Variants in CFI observed in about 807,000 individuals in gnomAD.
The protein encoded by CFI is C3B/C4B inactivator.
CFI carries 66 observed loss-of-function variants against 78.8 expected under a neutral mutation model. That is an observed-to-expected ratio of 0.84 (90% CI 0.69 to 1.03). CFI has a LOEUF of 1.03. Among genes scored for constraint, CFI ranks in the 50% least tolerant of loss-of-function variants. The pLI is 0.00. For missense variants in CFI, 706 were observed against 704.5 expected, an observed-to-expected ratio of 1.00 and a Z score of -0.02; for synonymous variants, 250 against 232.6, an observed-to-expected ratio of 1.07 and a Z score of -0.68.
intron 10 of CFI, among the ~76,000 whole-genome samples, chr4:109,747,343 T>C (rs1435878597): frequency 1.3e-5 from 1 of 78,904 alleles, no homozygotes; most frequent in Non-Finnish European, 2.5e-5. Context: ...TGCCACCACA[T>C]TAAGCTAATT....
At chr4:109,749,114 GT>G in intron 10 of CFI, 103 bp downstream of exon 10, 1 of 1,027,068 alleles carries the variant, frequency 9.7e-7, no homozygotes, top group South Asian at 1.3e-5. Flanking sequence ...ATATAGTGGA[GT>G]TTGTCAGTAC....
chr4:109,776,706 T>C (rs1729293925), intron 1 of CFI, among the ~76,000 whole-genome samples: 1 of 152,264 alleles, frequency 6.6e-6, no homozygotes, highest in Admixed American at 6.5e-5. Flanking sequence ...GAAAAAATAT[T>C]AAGGGCAGCC....
At chr4:109,770,511 G>A (rs773841820) in intron 1 of CFI, among the ~76,000 whole-genome samples, 2 of 147,666 alleles carry the variant, frequency 1.4e-5, no homozygotes, top group South Asian at 2.2e-4. Context: ...AGCGGAGACC[G>A]CACCACTGCA....
chr4:109,742,395 A>C, intron 12 of CFI, 96 bp downstream of exon 12: 1 of 813,620 alleles, frequency 1.2e-6, no homozygotes, highest in Non-Finnish European at 2.2e-6. Context: ...GGAGGGAATT[A>C]GGGCCCAAAG....
chr4:109,738,868 A>G (rs1723538172), downstream of CFI, among the ~76,000 whole-genome samples: 1 of 152,218 alleles, frequency 6.6e-6, no homozygotes, highest in African/African-American at 2.4e-5. Flanking sequence ...GGAACTTCCC[A>G]GCAATAAATA....
At chr4:109,743,771 G>T (rs1724094975) in intron 11 of CFI, among the ~76,000 whole-genome samples, 1 of 152,172 alleles carries the variant, frequency 6.6e-6, no homozygotes, top group South Asian at 2.1e-4. Flanking sequence ...GCCAGGGTGG[G>T]AGGATCACTT....
At chr4:109,791,528 A>G (rs1261531069) in intron 1 of CFI, among the ~76,000 whole-genome samples, 1 of 152,108 alleles carries the variant, frequency 6.6e-6, no homozygotes, top group African/African-American at 2.4e-5. Flanking sequence ...TCCTATGTCC[A>G]GAATAGTATT....
intron 2 of CFI, among the ~76,000 whole-genome samples, chr4:109,765,935 G>A (rs993760482): frequency 5.9e-5 from 9 of 152,040 alleles, no homozygotes; most frequent in African/African-American, 9.7e-5. Context: ...TGGCTAACAC[G>A]GTGAAACTCC....
downstream of CFI, among the ~76,000 whole-genome samples, chr4:109,739,074 A>G (rs1328931935): frequency 2.0e-5 from 3 of 152,186 alleles, no homozygotes; most frequent in Non-Finnish European, 4.4e-5. Context: ...AATAGTTAAA[A>G]TTGTTACTTT....
intron 1 of CFI, among the ~76,000 whole-genome samples, chr4:109,775,371 G>A (rs946250049): frequency 3.3e-5 from 5 of 152,214 alleles, no homozygotes; most frequent in Non-Finnish European, 7.3e-5. Context: ...TGGCTCGGAG[G>A]GTCCCACACC....
chr4:109,774,321 AG>A, intron 1 of CFI, among the ~76,000 whole-genome samples: 1 of 152,302 alleles, frequency 6.6e-6, no homozygotes, highest in South Asian at 2.1e-4. Flanking sequence ...ATGGAGAGTG[AG>A]GGGAGAATTG....
chr4:109,761,489 G>GA (rs1403880492), intron 4 of CFI, 28 bp downstream of exon 4: 2 of 1,610,644 alleles, frequency 1.2e-6, no homozygotes, highest in Admixed American at 3.3e-5. Context: ...TCAAGGAAGG[G>GA]AAAATAACAG....
chr4:109,746,125 G>T, intron 11 of CFI, 97 bp downstream of exon 11: 1 of 1,374,980 alleles, frequency 7.3e-7, no homozygotes, highest in Non-Finnish European at 1.0e-6. Flanking sequence ...ATGATGTTAT[G>T]CTTCTCTCTG....
chr4:109,789,101 T>A (rs1052910424), intron 1 of CFI, among the ~76,000 whole-genome samples: 1 of 151,584 alleles, frequency 6.6e-6, no homozygotes, highest in African/African-American at 2.4e-5. Flanking sequence ...AAACCAGATA[T>A]GCAGAAGAAA....
At chr4:109,778,771 A>G (rs1400642081) in intron 1 of CFI, among the ~76,000 whole-genome samples, 1 of 152,226 alleles carries the variant, frequency 6.6e-6, no homozygotes, top group Non-Finnish European at 1.5e-5. Flanking sequence ...CACATCAAAA[A>G]GCTTATCCAT....
intron 7 of CFI, among the ~76,000 whole-genome samples, chr4:109,754,747 C>T (rs1230383787): frequency 6.6e-6 from 1 of 152,184 alleles, no homozygotes; most frequent in Non-Finnish European, 1.5e-5. Flanking sequence ...TGCTCAGATG[C>T]ATTCACAAAA....
At chr4:109,794,215 T>A (rs549248046) in intron 1 of CFI, 38 of 152,314 alleles carry the variant, frequency 2.5e-4, no homozygotes, top group African/African-American at 8.7e-4. Context: ...TATTTCTTCA[T>A]ATATTCTCTC....
chr4:109,741,491 A>C, intron 12 of CFI: 2 of 313,012 alleles, frequency 6.4e-6, no homozygotes, highest in Non-Finnish European at 9.3e-6. Flanking sequence ...CCACAACCCT[A>C]TGAGGCAAAT....
intron 1 of CFI, among the ~76,000 whole-genome samples, chr4:109,774,302 A>T (rs2125831466): frequency 6.6e-6 from 1 of 152,318 alleles, no homozygotes; most frequent in South Asian, 2.1e-4. Flanking sequence ...GGTAAGAAAG[A>T]TACAGAATAT....
Sources: gnomAD v4.1 joint callset for allele counts (sites outside exome capture counted in the v4.1 genomes callset) on GRCh38, gnomAD v4.1.1 for gene constraint, MANE v1.5 for transcripts, NCBI Gene and HGNC (gene_info 2026-07-23, HGNC 2026-07-21) for gene names.